The following TIMM23B variants were observed in gnomAD, a reference collection of about 807,000 sequenced individuals.
TIMM23B encodes translocase of inner mitochondrial membrane 23 homolog B, also known as mitochondrial import inner membrane translocase subunit Tim23B.
In TIMM23B, 27 loss-of-function variants were observed where a neutral mutation model predicts 27.3. That is an observed-to-expected ratio of 0.99 (90% CI 0.73 to 1.36). The LOEUF is 1.36. TIMM23B is among the 40% of genes most tolerant of loss of function. The pLI is 0.00. For missense variants in TIMM23B, 205 were observed against 244.2 expected (o/e 0.84, Z 1.07); for synonymous variants, 73 against 92.4 (o/e 0.79, Z 1.21).
intron 1 of TIMM23B, among the ~76,000 whole-genome samples, chr10:49,944,090 G>T (rs1203671518): frequency 6.6e-6 from 1 of 152,154 alleles, no homozygotes; most frequent in Admixed American, 6.5e-5. Context: ...CAAGGGAGTT[G>T]GATCAATTGA....
chr10:49,944,537 A>C (rs1347003915), intron 1 of TIMM23B, among the ~76,000 whole-genome samples: 1 of 151,918 alleles, frequency 6.6e-6, no homozygotes, highest in Admixed American at 6.6e-5. Context: ...AGGATTCTCA[A>C]CCTTGCCACA....
chr10:49,958,186 T>TGAAGCTGTTCC (rs1839787569), intron 5 of TIMM23B, among the ~76,000 whole-genome samples, 184 bp from the exon 6 acceptor site: 2 of 152,196 alleles, frequency 1.3e-5, no homozygotes, highest in African/African-American at 4.8e-5. Flanking sequence ...TTTGTCCCTC[T>TGAAGCTGTTCC]GAAGCTGTTC....
intron 5 of TIMM23B, 42 bp downstream of exon 5, chr10:49,955,102 G>A: frequency 1.3e-6 from 2 of 1,586,084 alleles, no homozygotes; most frequent in Non-Finnish European, 1.7e-6. Flanking sequence ...TTAACTTAAA[G>A]AAAGAATGCA....
At chr10:49,945,703 A>G (rs1839334620) in intron 2 of TIMM23B, among the ~76,000 whole-genome samples, 1 of 152,216 alleles carries the variant, frequency 6.6e-6, no homozygotes, top group Non-Finnish European at 1.5e-5. Context: ...TTTGAATCCA[A>G]GATATATTAG....
intron 6 of TIMM23B, among the ~76,000 whole-genome samples, chr10:49,969,870 C>T (rs1243885765): frequency 3.3e-5 from 5 of 152,034 alleles, no homozygotes; most frequent in East Asian, 1.9e-4. Flanking sequence ...GCTGCCATCT[C>T]GGCTCACTGC....
At chr10:49,961,066 G>A (rs1488030269) in intron 6 of TIMM23B, among the ~76,000 whole-genome samples, 76 of 152,308 alleles carry the variant, frequency 5.0e-4, no homozygotes, top group Admixed American at 3.6e-3. Context: ...TGAAGAGATG[G>A]TAAGGAAAAG....
chr10:49,943,801 G>A (rs1839261649), intron 1 of TIMM23B, among the ~76,000 whole-genome samples: 1 of 131,134 alleles, frequency 7.6e-6, no homozygotes, highest in African/African-American at 3.0e-5. Flanking sequence ...ACATAATACT[G>A]AGGTAAACCA....
At chr10:49,951,926 C>G (rs1839544413) in intron 2 of TIMM23B, among the ~76,000 whole-genome samples, 200 bp from the exon 3 acceptor site, 1 of 152,230 alleles carries the variant, frequency 6.6e-6, no homozygotes, top group East Asian at 1.9e-4. Context: ...AGACTCCCTT[C>G]TAAGAACTGT....
Position 49,958,378 on chromosome 10 carries a change from T to C in TIMM23B, c.412T>C (p.Tyr138His). ...ANTLGSLALL[Y>H]SAFGVIIEKT... ...TTCCATTTCCTCTTTAGCGTTGCTCTATAGTGCATTTGGTGTCATCATTGA... is the reference window on the plus strand; with the variant it reads ...TTCCATTTCCTCTTTAGCGTTGCTCCATAGTGCATTTGGTGTCATCATTGA... Residue 138 changes from tyrosine (Y) to histidine (H), a missense_variant, in exon 6 of 7, where the codon TAT becomes CAT. Coordinates refer to ENST00000651259, the MANE Select transcript of TIMM23B (RefSeq NM_001290117.2). 6.2e-7 allele frequency: 1 copy of C among 1,613,906 alleles called. No individual in the cohort carries two copies. Among genetic ancestry groups the C allele is most frequent in the Non-Finnish European group, 8.5e-7 (1 of 1,179,818 alleles).
At chr10:49,955,303 C>T (rs1215744232) in intron 5 of TIMM23B, among the ~76,000 whole-genome samples, 3 of 152,176 alleles carry the variant, frequency 2.0e-5, no homozygotes, top group Non-Finnish European at 4.4e-5. Flanking sequence ...TTGGACACTG[C>T]ACACTCTCCA....
chr10:49,952,373 G>A lies in TIMM23B; in HGVS notation c.260-76G>A, dbSNP rs1839559930. 6 of 1,524,606 alleles carry A rather than the reference G, an allele frequency of 3.9e-6. No individual in the cohort carries two copies. In the South Asian group the frequency reaches 4.8e-5, roughly 12 times the overall value. The allele number at this position is 1,524,606 out of a possible 1,614,324, so 94.4% of individuals were successfully genotyped here. On this transcript the variant is annotated intron_variant, in intron 3 of 6. Transcript: ENST00000651259. ...AAATAAAAATGAAAAAGAATCAGAA[G>A]TGTAGTTATGCAGTTTTGAGGTTTT...
At chr10:49,962,454 G>C (rs1363208218) in intron 6 of TIMM23B, among the ~76,000 whole-genome samples, 1 of 152,138 alleles carries the variant, frequency 6.6e-6, no homozygotes, top group Non-Finnish European at 1.5e-5. Context: ...GCCCACCTCA[G>C]CCTCCCAAAG....
intron 2 of TIMM23B, among the ~76,000 whole-genome samples, chr10:49,946,753 T>C: frequency 6.7e-6 from 1 of 149,508 alleles, no homozygotes; most frequent in East Asian, 1.9e-4. Context: ...AACCAACAGA[T>C]TTAGTGCAGT....
At chr10:49,952,319 T>C in intron 3 of TIMM23B, 100 bp downstream of exon 3, 2 of 1,469,978 alleles carry the variant, frequency 1.4e-6, no homozygotes, top group Admixed American at 4.4e-5. Flanking sequence ...GGTTTTTTTT[T>C]TTAATATTTA....
At chr10:49,950,276 CTGG>C (rs1839484862) in intron 2 of TIMM23B, among the ~76,000 whole-genome samples, 2 of 142,916 alleles carry the variant, frequency 1.4e-5, no homozygotes, top group African/African-American at 5.2e-5. Context: ...TCAGCAAACT[CTGG>C]TACTTGGGAT....
At chr10:49,963,652 A>T (rs189701940) in intron 6 of TIMM23B, among the ~76,000 whole-genome samples, 2 of 152,174 alleles carry the variant, frequency 1.3e-5, no homozygotes, top group Admixed American at 1.3e-4. Context: ...TGAAATAATG[A>T]AACAAAATTA....
At chr10:49,952,057 A>G in intron 2 of TIMM23B, 69 bp from the exon 3 acceptor site, 2 of 1,223,718 alleles carry the variant, frequency 1.6e-6, no homozygotes, top group South Asian at 2.6e-5. Context: ...TTGAAATGTT[A>G]AAAAGGCAAC....
chr10:49,964,105 G>C (rs186983911), intron 6 of TIMM23B, among the ~76,000 whole-genome samples: 3,771 of 151,232 alleles, frequency 0.025, 63 homozygotes, highest in Non-Finnish European at 0.04. Flanking sequence ...TATGGGAATG[G>C]AATAAATGAA....
intron 2 of TIMM23B, among the ~76,000 whole-genome samples, chr10:49,950,451 G>C (rs1334882370): frequency 6.7e-6 from 1 of 149,150 alleles, no homozygotes; most frequent in East Asian, 2.0e-4. Flanking sequence ...TTTTTCAGTT[G>C]ATACTAGCAG....
Sources: allele counts gnomAD v4.1 joint callset (sites outside exome capture counted in the v4.1 genomes callset), GRCh38; gene constraint gnomAD v4.1.1; transcripts MANE v1.5; gene names NCBI Gene and HGNC (gene_info 2026-07-23, HGNC 2026-07-21).